Variants in ALK observed in about 807,000 individuals in gnomAD.
ALK encodes the protein ALK receptor tyrosine kinase.
In ALK, 74 loss-of-function variants were observed where a neutral mutation model predicts 163.1. That is an observed-to-expected ratio of 0.45 (90% CI 0.38 to 0.55). ALK has a LOEUF of 0.55. ALK is among the 20% of genes least tolerant of loss of function. The pLI, the probability that ALK is intolerant of heterozygous loss-of-function variation, is 0.00. For synonymous variants in ALK, 960 were observed against 843.2 expected, an observed-to-expected ratio of 1.14 and a Z score of -2.40; for missense variants, 2,063 against 2,105.3, an observed-to-expected ratio of 0.98 and a Z score of 0.39.
intron 1 of ALK, among the ~76,000 whole-genome samples, chr2:29,805,934 T>G (rs1402112293): frequency 6.6e-6 from 1 of 152,126 alleles, no homozygotes; most frequent in African/African-American, 2.4e-5. Flanking sequence ...AGATACCAGC[T>G]GAGGATTACA....
At chr2:29,915,121 T>C (rs1179040662) in intron 1 of ALK, among the ~76,000 whole-genome samples, 1 of 152,142 alleles carries the variant, frequency 6.6e-6, no homozygotes, top group Non-Finnish European at 1.5e-5. Context: ...AAAATTTCCA[T>C]GTTGTGAGGT....
chr2:29,344,355 C>T (rs544020534), intron 5 of ALK, among the ~76,000 whole-genome samples: 16 of 152,256 alleles, frequency 1.1e-4, no homozygotes, highest in East Asian at 7.7e-4. Context: ...ATGATGGAAG[C>T]CACCACATAA....
At chr2:29,247,629 A>G (rs1225723747) in intron 12 of ALK, among the ~76,000 whole-genome samples, 1 of 152,180 alleles carries the variant, frequency 6.6e-6, no homozygotes, top group Non-Finnish European at 1.5e-5. Context: ...AGGATAAGTT[A>G]CCAGCTAAGA....
intron 3 of ALK, among the ~76,000 whole-genome samples, chr2:29,626,715 C>T (rs538565666): frequency 3.7e-4 from 57 of 152,214 alleles, no homozygotes; most frequent in Non-Finnish European, 7.3e-4. Context: ...TCACCAGGAA[C>T]CAAATCTGCC....
At chr2:29,345,862 T>A (rs932525585) in intron 5 of ALK, among the ~76,000 whole-genome samples, 1 of 152,114 alleles carries the variant, frequency 6.6e-6, no homozygotes, top group African/African-American at 2.4e-5. Flanking sequence ...ACAAGCCCAA[T>A]GCACCTGTAT....
At chr2:29,909,217 G>A (rs1015855235) in intron 1 of ALK, among the ~76,000 whole-genome samples, 2 of 152,198 alleles carry the variant, frequency 1.3e-5, no homozygotes, top group Non-Finnish European at 2.9e-5. Flanking sequence ...AGAAACTGTG[G>A]AATAATCAGC....
intron 4 of ALK, among the ~76,000 whole-genome samples, chr2:29,460,957 G>C (rs1175859493): frequency 6.6e-6 from 1 of 152,168 alleles, no homozygotes; most frequent in African/African-American, 2.4e-5. Flanking sequence ...AGTTCTTGGA[G>C]GACTTTTAAT....
chr2:29,362,679 C>G (rs138395864), intron 5 of ALK, among the ~76,000 whole-genome samples: 61 of 152,200 alleles, frequency 4.0e-4, no homozygotes, highest in African/African-American at 1.4e-3. Flanking sequence ...CACAGCACTG[C>G]GTCTCATTCA....
At chr2:29,342,562 T>C (rs7603280) in intron 5 of ALK, among the ~76,000 whole-genome samples, 114,324 of 152,148 alleles carry the variant, frequency 0.75, 43,647 homozygotes, top group East Asian at 0.98. Flanking sequence ...ACTGCACACA[T>C]AGATATGGTT....
chr2:29,332,251 A>T (rs1031442330), intron 5 of ALK, among the ~76,000 whole-genome samples: 3 of 127,868 alleles, frequency 2.3e-5, no homozygotes, highest in Admixed American at 9.8e-5. Flanking sequence ...GCACCATTGT[A>T]CTCCAGCCTA....
intron 4 of ALK, among the ~76,000 whole-genome samples, chr2:29,527,702 T>TG (rs533811567): frequency 5.7e-4 from 87 of 152,138 alleles, no homozygotes; most frequent in African/African-American, 2.0e-3. Context: ...TTGTAGAGGT[T>TG]GGGGGTCTCG....
At chr2:29,895,807 C>A (rs548823268) in intron 1 of ALK, among the ~76,000 whole-genome samples, 1 of 152,042 alleles carries the variant, frequency 6.6e-6, no homozygotes, top group South Asian at 2.1e-4. Flanking sequence ...TTCTTTTGGC[C>A]GATGTGTTTT....
intron 4 of ALK, among the ~76,000 whole-genome samples, chr2:29,490,028 G>A (rs893309710): frequency 3.3e-5 from 5 of 152,244 alleles, no homozygotes; most frequent in Admixed American, 3.3e-4. Context: ...AGGAACTAGG[G>A]CATGGGCCAG....
chr2:29,905,467 C>G (rs1667519247), intron 1 of ALK, among the ~76,000 whole-genome samples: 1 of 151,892 alleles, frequency 6.6e-6, no homozygotes, highest in Admixed American at 6.6e-5. Context: ...ACATTTTTCT[C>G]CAATCAGATT....
chr2:29,661,601 C>T (rs1677348915), intron 3 of ALK, among the ~76,000 whole-genome samples: 1 of 152,164 alleles, frequency 6.6e-6, no homozygotes, highest in South Asian at 2.1e-4. Flanking sequence ...ACATCATTCT[C>T]ATAAAAATCC....
intron 1 of ALK, among the ~76,000 whole-genome samples, chr2:29,800,201 T>C (rs1572389141): frequency 6.6e-6 from 1 of 152,136 alleles, no homozygotes; most frequent in South Asian, 2.1e-4. Context: ...GAGTGACAGG[T>C]GGGGCACAGC....
intron 3 of ALK, among the ~76,000 whole-genome samples, chr2:29,682,986 A>G (rs1056102584): frequency 8.5e-5 from 13 of 152,214 alleles, no homozygotes; most frequent in African/African-American, 2.9e-4. Context: ...AGCATCTCGC[A>G]TATTTCCAAA....
At chr2:29,358,900 C>T (rs150154166) in intron 5 of ALK, among the ~76,000 whole-genome samples, 9 of 152,108 alleles carry the variant, frequency 5.9e-5, no homozygotes, top group East Asian at 5.8e-4. Flanking sequence ...TATATACGTT[C>T]GTAAATGATT....
At chr2:29,756,515 T>C (rs913710951) in intron 1 of ALK, among the ~76,000 whole-genome samples, 3 of 146,264 alleles carry the variant, frequency 2.1e-5, no homozygotes, top group African/African-American at 7.6e-5. Flanking sequence ...GTACAGTAGA[T>C]CATTTACTCA....
Sources: allele counts gnomAD v4.1 joint callset (sites outside exome capture counted in the v4.1 genomes callset), GRCh38; gene constraint gnomAD v4.1.1; transcripts MANE v1.5; gene names NCBI Gene and HGNC (gene_info 2026-07-23, HGNC 2026-07-21).